Variants in SNED1 observed in about 807,000 individuals in gnomAD.
SNED1 encodes the protein sushi, nidogen and EGF-like domain-containing protein 1.
In SNED1, 81 loss-of-function variants were observed where a neutral mutation model predicts 166.7. The ratio of observed to expected loss-of-function variants is 0.49; its 90% confidence interval spans 0.41 to 0.58. The LOEUF (loss-of-function observed/expected upper bound fraction) is 0.58, where lower values mean the gene tolerates loss of function less well. Among genes scored for constraint, SNED1 ranks in the 20% least tolerant of loss-of-function variants. The pLI is 0.00. For missense variants in SNED1, 1,604 were observed against 2,000.2 expected (o/e 0.80, Z 3.78); for synonymous variants, 762 against 822.0 (o/e 0.93, Z 1.25).
At chr2:241,010,206 GTCCCTGGC>G (rs2060347817) in intron 1 of SNED1, 1 of 152,198 alleles carries the variant, frequency 6.6e-6, no homozygotes, top group South Asian at 2.1e-4. Context: ...AGTCTCTTGG[GTCCCTGGC>G]TCCCCTCCAG....
chr2:241,083,688 C>T (rs933269472), intron 29 of SNED1, among the ~76,000 whole-genome samples: 4 of 152,176 alleles, frequency 2.6e-5, no homozygotes, highest in Non-Finnish European at 4.4e-5. Context: ...CTGGTGACCA[C>T]CAAGTATCCA....
intron 31 of SNED1, chr2:241,089,926 T>G: frequency 6.5e-7 from 1 of 1,537,750 alleles, no homozygotes. Context: ...TGTGTGTATC[T>G]AAACGTAGAA....
chr2:241,015,442 T>C (rs1456127070), intron 1 of SNED1, among the ~76,000 whole-genome samples: 1 of 152,226 alleles, frequency 6.6e-6, no homozygotes, highest in African/African-American at 2.4e-5. Flanking sequence ...ATTTTTTACA[T>C]TTTCTAACTT....
chr2:241,000,969 C>G (rs1002962810), intron 1 of SNED1, among the ~76,000 whole-genome samples: 2 of 152,200 alleles, frequency 1.3e-5, no homozygotes, highest in African/African-American at 4.8e-5. Flanking sequence ...CAGGTTAGGG[C>G]TGAAGCCAGG....
intron 16 of SNED1, among the ~76,000 whole-genome samples, chr2:241,056,114 G>T (rs368328215): frequency 6.6e-6 from 1 of 151,796 alleles, no homozygotes; most frequent in African/African-American, 2.4e-5. Context: ...TCACCCAAGT[G>T]TTGGAATTTA....
intron 17 of SNED1, 37 bp downstream of exon 17, chr2:241,062,941 C>T: frequency 1.5e-6 from 2 of 1,351,850 alleles, no homozygotes; most frequent in Non-Finnish European, 2.0e-6. Context: ...GTGACAGCTG[C>T]AGCACACTGG....
At chr2:241,009,024 C>T (rs914336803) in intron 1 of SNED1, among the ~76,000 whole-genome samples, 10 of 152,230 alleles carry the variant, frequency 6.6e-5, no homozygotes, top group Admixed American at 3.3e-4. Flanking sequence ...GCCTTGGAGG[C>T]TCACTGGGGG....
intron 2 of SNED1, among the ~76,000 whole-genome samples, chr2:241,032,765 G>T (rs1197008496): frequency 6.6e-6 from 1 of 152,218 alleles, no homozygotes; most frequent in Non-Finnish European, 1.5e-5. Flanking sequence ...TTCTAGGGGT[G>T]CTGAATTTGT....
intron 8 of SNED1, 94 bp downstream of exon 8, chr2:241,040,507 C>T: frequency 2.6e-6 from 2 of 763,880 alleles, no homozygotes; most frequent in Non-Finnish European, 4.2e-6. Flanking sequence ...TCCTTGCCAT[C>T]TGACTCACCT....
rs1223236311 is a variant in SNED1 at position 241,063,715 on chromosome 2, C to T, written c.2485+15C>T. The T allele has an allele frequency of 9.3e-6, 14 of 1,502,584 alleles. No individual in the cohort carries two copies. Among genetic ancestry groups the T allele is most frequent in the Non-Finnish European group, 1.3e-5 (14 of 1,087,148 alleles). 93.1% of individuals were successfully genotyped at this position (1,502,584 alleles called of 1,614,324 possible). ...CTGTGAGACAGGTAGGGGCTCCCTC[C>T]AGTGGGCCCCACATGCAGAGCCTGG... On this transcript the variant is annotated intron_variant, in intron 18 of 31. Transcript: ENST00000310397.
At chr2:241,048,274 A>T (rs1454522087) in intron 8 of SNED1, 41 bp from the exon 9 acceptor site, 1 of 1,554,222 alleles carries the variant, frequency 6.4e-7, no homozygotes, top group Non-Finnish European at 8.7e-7. Flanking sequence ...CTCTCCCCAC[A>T]TTCCCTGCGT....
rs1194341243 is a variant in SNED1, at chr2:241,091,475, G to A, written c.*2-163G>A. ...GCTCTAAGAACGCGGGGTCCTCCCC[G>A]TGTGCACTGCCATATGGTAGAATCC... On this transcript the variant is annotated intron_variant, in intron 31 of 31. Transcript: ENST00000310397. The surrounding 1 kb of genome is among the most constrained non-coding windows in gnomAD (Gnocchi z 4.1). Among the ~76,000 whole-genome samples the A allele has an allele frequency of 2.0e-5, 3 of 152,228 alleles. No individual in the cohort carries two copies. The highest frequency in any genetic ancestry group is 4.4e-5 in the Non-Finnish European group (3 of 68,030).
rs773340109 is a variant in SNED1, at chr2:241,071,926, TC to T, written c.3817+49del. 9 of 1,409,988 alleles carry T rather than the reference TC, an allele frequency of 6.4e-6. No homozygotes were observed. The East Asian group carries it at 2.0e-4, about 31-fold the overall frequency. The allele number at this position is 1,409,988 out of a possible 1,614,324, so 87.3% of individuals were successfully genotyped here. On this transcript the variant is annotated intron_variant, in intron 26 of 31. Coordinates refer to ENST00000310397, the MANE Select transcript of SNED1 (RefSeq NM_001080437.3). ...CCACCTTGGTGGCCCACCCTCGTCC[TC>T]ACTGCCACTCTCACCAGGTCCTGTC...
intron 1 of SNED1, among the ~76,000 whole-genome samples, chr2:241,014,973 C>G (rs2060534870): frequency 6.6e-6 from 1 of 152,224 alleles, no homozygotes; most frequent in African/African-American, 2.4e-5. Flanking sequence ...CTCCCTCCTG[C>G]TTCTCTGTCC....
At chr2:241,079,036 C>T (rs2063189386) in intron 27 of SNED1, among the ~76,000 whole-genome samples, 1 of 151,400 alleles carries the variant, frequency 6.6e-6, no homozygotes, top group Non-Finnish European at 1.5e-5. Context: ...ATTGCTTGAA[C>T]CCAGGAGGCG....
At chr2:241,016,356 C>T (rs184161412) in intron 1 of SNED1, among the ~76,000 whole-genome samples, 83 of 152,044 alleles carry the variant, frequency 5.5e-4, no homozygotes, top group African/African-American at 8.0e-4. Context: ...CCACCTTGCC[C>T]GGCTAATTCT....
At chr2:241,056,310 C>T (rs756113886) in intron 16 of SNED1, among the ~76,000 whole-genome samples, 41 of 152,258 alleles carry the variant, frequency 2.7e-4, no homozygotes, top group Admixed American at 4.6e-4. Context: ...GAAACAGGAT[C>T]TCATGGTGTT....
At chr2:241,006,038 C>T (rs2060212949) in intron 1 of SNED1, among the ~76,000 whole-genome samples, 1 of 152,216 alleles carries the variant, frequency 6.6e-6, no homozygotes, top group Admixed American at 6.5e-5. Flanking sequence ...AAACTTCTTA[C>T]TATTGTCCTA....
intron 21 of SNED1, 54 bp downstream of exon 21, chr2:241,065,649 G>A: frequency 3.9e-6 from 6 of 1,519,382 alleles, no homozygotes; most frequent in Non-Finnish European, 5.4e-6. Context: ...CTCGAGGGCA[G>A]CGCTGGCCCC....
Sources: gnomAD v4.1 joint callset for allele counts (sites outside exome capture counted in the v4.1 genomes callset) on GRCh38, gnomAD v4.1.1 for gene constraint, Gnocchi (gnomAD v3.1) non-coding constraint, MANE v1.5 for transcripts, NCBI Gene and HGNC (gene_info 2026-07-23, HGNC 2026-07-21) for gene names.